Variants in ADGRG6 observed in about 807,000 individuals in gnomAD.
ADGRG6 encodes the protein adhesion G protein-coupled receptor G6.
Under a neutral mutation model 142.4 loss-of-function variants are expected in ADGRG6, and 84 were observed. The observed-to-expected ratio is 0.59, with a 90% CI of 0.49 to 0.71. The LOEUF (loss-of-function observed/expected upper bound fraction) is 0.71, where lower values mean the gene tolerates loss of function less well. Among genes scored for constraint, ADGRG6 ranks in the 30% least tolerant of loss-of-function variants. ADGRG6 has a pLI of 0.00. For synonymous variants in ADGRG6, 521 were observed against 520.5 expected (o/e 1.00, Z -0.01); for missense variants, 1,367 against 1,466.6 (o/e 0.93, Z 1.11).
At chr6:142,316,312 C>G (rs889512026) in intron 2 of ADGRG6, among the ~76,000 whole-genome samples, 1 of 152,110 alleles carries the variant, frequency 6.6e-6, no homozygotes, top group Non-Finnish European at 1.5e-5. Context: ...TACTAGAGCT[C>G]AGAAGATGGA....
Position 142,405,718 on chromosome 6 carries a change from C to T in ADGRG6, c.2158C>T (p.Leu720=). 6.2e-7 allele frequency: 1 copy of T among 1,609,046 alleles called. No homozygotes were observed. Among genetic ancestry groups the T allele is most frequent in the South Asian group, 1.1e-5 (1 of 90,692 alleles). Reference sequence around the variant, plus strand: ...TTTTGAGAGTGGACAAGTGGATCCACTGGCATCTGTAATTTTGCCTCCAAA... The same window carrying T: ...TTTTGAGAGTGGACAAGTGGATCCATTGGCATCTGTAATTTTGCCTCCAAA... ...MDFESGQVDP[L]ASVILPPNLL... is the part of the protein sequence containing the mutation. Residue 720 remains leucine (L), a synonymous_variant, in exon 15 of 25, where the codon CTG becomes TTG. Transcript: ENST00000367609.
chr6:142,374,921 A>G lies in ADGRG6; in HGVS notation c.1069+4128A>G, dbSNP rs550924339. 2.5e-4 allele frequency among the ~76,000 whole-genome samples: 38 copies of G among 152,338 alleles called. No individual in the cohort carries two copies. The East Asian group carries it at 6.9e-3, about 28-fold the overall frequency. On this transcript the variant is annotated intron_variant, in intron 4 of 24. Coordinates refer to ENST00000367609, the MANE Select transcript of ADGRG6 (RefSeq NM_198569.3). The stretch of plus-strand genomic sequence containing the variant: ...TACTTATCATTTTATTTGTAGACAG[A>G]ACATTTAAAATCTCTCAGCAATTTT...
At chr6:142,372,094 A>G (rs1041421001) in intron 4 of ADGRG6, among the ~76,000 whole-genome samples, 2 of 152,204 alleles carry the variant, frequency 1.3e-5, no homozygotes, top group African/African-American at 4.8e-5. Context: ...AGCTAAATGC[A>G]GAATATTTTG....
intron 1 of ADGRG6, among the ~76,000 whole-genome samples, chr6:142,303,303 T>A (rs534835339): frequency 1.2e-4 from 18 of 152,298 alleles, no homozygotes; most frequent in Admixed American, 5.9e-4. Context: ...ACTCTTTCAG[T>A]TCAGTACATG....
At chr6:142,318,158 A>ATATATATTATATATTTATATAT (rs1778275959) in intron 2 of ADGRG6, among the ~76,000 whole-genome samples, 1 of 1,070 alleles carries the variant, frequency 9.3e-4, no homozygotes, top group Non-Finnish European at 2.0e-3. Context: ...ATTATATATT[A>ATATATATTATATATTTATATAT]TATATATTAT....
At chr6:142,437,806 C>T (rs17071798) in intron 23 of ADGRG6, among the ~76,000 whole-genome samples, 10,907 of 151,542 alleles carry the variant, frequency 0.072, 548 homozygotes, top group East Asian at 0.25. Flanking sequence ...AACCCGTATA[C>T]CCAGAGGTTC....
chr6:142,303,875 T>G (rs1777350858), intron 1 of ADGRG6, among the ~76,000 whole-genome samples: 1 of 152,212 alleles, frequency 6.6e-6, no homozygotes, highest in South Asian at 2.1e-4. Context: ...TTAAGTTATA[T>G]AGTCCATTTG....
chr6:142,343,577 A>G (rs1779760943), intron 2 of ADGRG6, among the ~76,000 whole-genome samples: 1 of 151,900 alleles, frequency 6.6e-6, no homozygotes, highest in Non-Finnish European at 1.5e-5. Flanking sequence ...CTTGAGATAA[A>G]ATATAGTTTT....
intron 2 of ADGRG6, among the ~76,000 whole-genome samples, chr6:142,312,402 G>A (rs1260302964): frequency 6.6e-6 from 1 of 151,930 alleles, no homozygotes; most frequent in African/African-American, 2.4e-5. Context: ...AAAGTAGTGT[G>A]GAAAAATAGC....
chr6:142,327,489 A>T (rs528910458), intron 2 of ADGRG6, among the ~76,000 whole-genome samples: 3 of 152,082 alleles, frequency 2.0e-5, no homozygotes, highest in African/African-American at 4.8e-5. Flanking sequence ...TCGTTATTCA[A>T]TTCAGTTGGA....
At position 142,445,224 on chromosome 6, in the gene ADGRG6, C is replaced by T. The variant is rs536283849; in HGVS notation, c.*1709C>T. ...AGAGCATTACCCAGCTTGGCTTTCA[C>T]GGGGGAGGGTTGTATTCAGTAAAAA... On this transcript the variant is annotated 3_prime_UTR_variant, in exon 25 of 25. Transcript: ENST00000367609. 6 of 152,064 alleles carry T rather than the reference C, an allele frequency of 3.9e-5. No individual in the cohort carries two copies. The highest frequency in any genetic ancestry group is 4.2e-4 in the South Asian group (2 of 4,814). The allele number at this position is 152,064 out of a possible 1,614,324, so 9.4% of individuals were successfully genotyped here. A position where few individuals can be genotyped will look rare whatever the true frequency, so the allele number is the denominator to read the frequency against.
chr6:142,418,468 ACTT>A (rs1776482364), intron 21 of ADGRG6, among the ~76,000 whole-genome samples: 1 of 152,104 alleles, frequency 6.6e-6, no homozygotes, highest in Non-Finnish European at 1.5e-5. Context: ...TTTTAGAAGA[ACTT>A]CTGTGTGTAA....
chr6:142,383,953 G>A, intron 6 of ADGRG6, 110 bp downstream of exon 6: 5 of 639,754 alleles, frequency 7.8e-6, no homozygotes, highest in Admixed American at 2.7e-5. Flanking sequence ...GGAGTCAATT[G>A]GTACATTTGT....
rs1775655182 is a variant in ADGRG6, at chr6:142,403,747, T to C, written c.1956-55T>C. The C allele has an allele frequency of 9.7e-6, 11 of 1,135,840 alleles. No homozygotes were observed. The East Asian group carries it at 2.8e-4, about 29-fold the overall frequency. 70.4% of individuals were successfully genotyped at this position (1,135,840 alleles called of 1,614,324 possible). On this transcript the variant is annotated intron_variant, in intron 13 of 24. Coordinates refer to ENST00000367609, the MANE Select transcript of ADGRG6 (RefSeq NM_198569.3). ...TGCCATGCAGCAAAACATGTATGTT[T>C]AAGAATCTAAAATATCATATTACTT...
chr6:142,330,897 A>C (rs1259132864), intron 2 of ADGRG6, among the ~76,000 whole-genome samples: 1 of 152,118 alleles, frequency 6.6e-6, no homozygotes, highest in East Asian at 1.9e-4. Flanking sequence ...TAGAGTATAT[A>C]ATTCTTTCCC....
At chr6:142,315,647 A>C (rs553589048) in intron 2 of ADGRG6, among the ~76,000 whole-genome samples, 2 of 152,092 alleles carry the variant, frequency 1.3e-5, no homozygotes, top group South Asian at 4.1e-4. Context: ...CCTGGCCAAC[A>C]TGGTGAAACC....
At position 142,375,368 on chromosome 6, in the gene ADGRG6, C is replaced by T. The variant is rs146649246; in HGVS notation, c.1069+4575C>T. Reference sequence around the variant, plus strand: ...TGATCTTCTTGCCATTCCAAGTTGACGTTAAACACTCACATTCCAGACATT... The same window carrying T: ...TGATCTTCTTGCCATTCCAAGTTGATGTTAAACACTCACATTCCAGACATT... On this transcript the variant is annotated intron_variant, in intron 4 of 24. Transcript: ENST00000367609. Among the ~76,000 whole-genome samples, 438 of 152,252 alleles carry T rather than the reference C, an allele frequency of 2.9e-3. 1 individual carries two copies. Among genetic ancestry groups the T allele is most frequent in the Non-Finnish European group, 5.2e-3 (352 of 68,018 alleles).
At chr6:142,429,560 C>T (rs1182244602) in intron 22 of ADGRG6, among the ~76,000 whole-genome samples, 1 of 152,122 alleles carries the variant, frequency 6.6e-6, no homozygotes, top group Non-Finnish European at 1.5e-5. Flanking sequence ...CCTTGAAGAT[C>T]CCCAGCCCCA....
At chr6:142,430,709 G>A (rs371791027) in intron 22 of ADGRG6, among the ~76,000 whole-genome samples, 9 of 152,148 alleles carry the variant, frequency 5.9e-5, no homozygotes, top group African/African-American at 2.2e-4. Context: ...CTTAGAAATA[G>A]GTGTATTATT....
Sources: allele counts gnomAD v4.1 joint callset (sites outside exome capture counted in the v4.1 genomes callset), GRCh38; gene constraint gnomAD v4.1.1; transcripts MANE v1.5; gene names NCBI Gene and HGNC (gene_info 2026-07-23, HGNC 2026-07-21).